The following HDAC11 variants were observed in gnomAD, a reference collection of about 807,000 sequenced individuals.
The protein encoded by HDAC11 is histone deacetylase 11.
A neutral mutation model predicts 41.1 loss-of-function variants in HDAC11; 23 were observed. The ratio of observed to expected loss-of-function variants is 0.56; its 90% confidence interval spans 0.40 to 0.79. The LOEUF (loss-of-function observed/expected upper bound fraction) is 0.79. HDAC11 is among the 30% of genes least tolerant of loss of function. HDAC11 has a pLI of 0.00. For missense variants in HDAC11, 402 were observed against 477.3 expected (o/e 0.84, Z 1.47); for synonymous variants, 187 against 186.6 (o/e 1.00, Z -0.02).
At chr3:13,495,588 AATTGGTTCTCCTT>A (rs1280676693) in intron 3 of HDAC11, among the ~76,000 whole-genome samples, 3 of 152,016 alleles carry the variant, frequency 2.0e-5, no homozygotes, top group African/African-American at 7.3e-5. Flanking sequence ...CTGTTCCCCT[AATTGGTTCTCCTT>A]GCTGCAGCTA....
chr3:13,486,945 C>T (rs1288986125), intron 3 of HDAC11, among the ~76,000 whole-genome samples: 1 of 152,094 alleles, frequency 6.6e-6, no homozygotes, highest in African/African-American at 2.4e-5. Flanking sequence ...GGGACTTGAT[C>T]TTCCAAAGGG....
At chr3:13,489,849 T>A (rs1383839703) in intron 3 of HDAC11, among the ~76,000 whole-genome samples, 1 of 152,112 alleles carries the variant, frequency 6.6e-6, no homozygotes, top group Admixed American at 6.5e-5. Flanking sequence ...ATTACAGGCA[T>A]GTGTGAGCCA....
Position 13,502,327 on chromosome 3 carries a change from G to A in HDAC11, c.552+394G>A, listed in dbSNP as rs751686662. On this transcript the variant is annotated intron_variant, in intron 7 of 9. Transcript: ENST00000295757. This position sits in a 1 kb window ranked among gnomAD's most constrained non-coding sequence, Gnocchi z 4.1. ...GATGCCCACACACATGGCTTGGCTCGGGCACCTGGGGTCACCATTTAAGAA... is the reference window on the plus strand; with the variant it reads ...GATGCCCACACACATGGCTTGGCTCAGGCACCTGGGGTCACCATTTAAGAA... The A allele has an allele frequency of 1.5e-4, 31 of 212,572 alleles. No homozygotes were observed. The highest frequency in any genetic ancestry group is 2.3e-4 in the Non-Finnish European group (25 of 106,890). 13.2% of individuals were successfully genotyped at this position (212,572 alleles called of 1,614,324 possible).
chr3:13,490,314 G>C (rs372213090), intron 3 of HDAC11, among the ~76,000 whole-genome samples: 1 of 151,972 alleles, frequency 6.6e-6, no homozygotes, highest in Non-Finnish European at 1.5e-5. Flanking sequence ...TTTTAAGATC[G>C]TTTTGGCTGT....
intron 3 of HDAC11, among the ~76,000 whole-genome samples, chr3:13,488,350 A>G (rs1454720839): frequency 6.6e-6 from 1 of 152,202 alleles, no homozygotes; most frequent in Admixed American, 6.5e-5. Context: ...AAGTGCTGCA[A>G]CCATCATCTC....
intron 4 of HDAC11, 110 bp from the exon 5 acceptor site, chr3:13,498,403 C>T: frequency 7.4e-7 from 1 of 1,349,412 alleles, no homozygotes; most frequent in Non-Finnish European, 1.1e-6. Context: ...GCTCATCCTT[C>T]CCCCAGAGCT....
At chr3:13,501,155 T>C (rs995118961) in intron 6 of HDAC11, among the ~76,000 whole-genome samples, 1 of 152,174 alleles carries the variant, frequency 6.6e-6, no homozygotes, top group African/African-American at 2.4e-5. Context: ...ACCTGGCAGT[T>C]CTGCATGCTC....
In HDAC11 at chr3:13,502,898, G is replaced by A. The variant is rs751457066; in HGVS notation, c.567G>A (p.Glu189=). ...CCTCCCCACAGGGCAATGGGCATGA[G>A]CGAGACTTCATGGACGACAAGCGTG... ...DLDAHQGNGH[E]RDFMDDKRVY... is the part of the protein sequence containing the mutation. Residue 189 remains glutamate (E), a synonymous_variant, in exon 8 of 10, where the codon GAG becomes GAA. Transcript: ENST00000295757. This position sits in a 1 kb window ranked among gnomAD's most constrained non-coding sequence, Gnocchi z 4.1. 3 of 1,613,472 alleles carry A rather than the reference G, an allele frequency of 1.9e-6. No individual in the cohort carries two copies. Among genetic ancestry groups the A allele is most frequent in the Non-Finnish European group, 1.7e-6 (2 of 1,179,844 alleles).
Position 13,483,582 on chromosome 3 carries a change from T to A in HDAC11, c.252+18T>A. 1 of 1,268,478 alleles carries A rather than the reference T, an allele frequency of 7.9e-7. No homozygotes were observed. The highest frequency in any genetic ancestry group is 1.1e-6 in the Non-Finnish European group (1 of 894,632). 78.6% of individuals were successfully genotyped at this position (1,268,478 alleles called of 1,614,324 possible). On this transcript the variant is annotated intron_variant, in intron 3 of 9. Transcript: ENST00000295757. Reference sequence around the variant, plus strand: ...AGCTCAAGGTACAGGATGTCGGGCCTGGGGGGCTGCGGGCCTGGGGCAGGG... The same window carrying A: ...AGCTCAAGGTACAGGATGTCGGGCCAGGGGGGCTGCGGGCCTGGGGCAGGG...
chr3:13,489,307 A>G (rs79253931), intron 3 of HDAC11, among the ~76,000 whole-genome samples: 2 of 152,304 alleles, frequency 1.3e-5, no homozygotes, highest in African/African-American at 4.8e-5. Flanking sequence ...ACCCAAGGTC[A>G]TGAAGGTTTA....
chr3:13,488,322 G>T (rs1272042874), intron 3 of HDAC11, among the ~76,000 whole-genome samples: 1 of 152,048 alleles, frequency 6.6e-6, no homozygotes, highest in Non-Finnish European at 1.5e-5. Flanking sequence ...CAGTTCAGTG[G>T]CCTTTAGTCC....
Position 13,504,699 on chromosome 3 carries a change from C to G in HDAC11, c.*16C>G. The G allele has an allele frequency of 6.2e-7, 1 of 1,603,324 alleles. No individual in the cohort carries two copies. Among genetic ancestry groups the G allele is most frequent in the Non-Finnish European group, 8.5e-7 (1 of 1,170,816 alleles). On this transcript the variant is annotated 3_prime_UTR_variant, in exon 10 of 10. Transcript: ENST00000295757. ...AGTGCCCTGACCCTTGCTGCCCTGC[C>G]TGTCACGTGGCCCTGCCTATCCGCC... is the stretch of plus-strand genomic sequence containing the variant.
At chr3:13,500,105 C>T (rs1047458390) in intron 5 of HDAC11, among the ~76,000 whole-genome samples, 5 of 152,242 alleles carry the variant, frequency 3.3e-5, no homozygotes, top group African/African-American at 1.2e-4. Context: ...AGGCAAGTTC[C>T]TGGTATCCAT....
chr3:13,501,153 G>A (rs1702346342), intron 6 of HDAC11, among the ~76,000 whole-genome samples: 1 of 152,222 alleles, frequency 6.6e-6, no homozygotes, highest in African/African-American at 2.4e-5. Context: ...GCACCTGGCA[G>A]TTCTGCATGC....
intron 3 of HDAC11, among the ~76,000 whole-genome samples, chr3:13,486,022 C>CT (rs1184756598): frequency 6.6e-6 from 1 of 152,022 alleles, no homozygotes; most frequent in Non-Finnish European, 1.5e-5. Context: ...AATCCCAGCA[C>CT]TTTGGGAGAA....
At chr3:13,481,874 G>A (rs1701337564) in intron 2 of HDAC11, among the ~76,000 whole-genome samples, 1 of 152,200 alleles carries the variant, frequency 6.6e-6, no homozygotes, top group Non-Finnish European at 1.5e-5. Flanking sequence ...AGGCTCAGGA[G>A]CTCACTGTAA....
intron 3 of HDAC11, among the ~76,000 whole-genome samples, chr3:13,495,841 C>T (rs1222390793): frequency 1.3e-5 from 2 of 152,204 alleles, no homozygotes; most frequent in African/African-American, 4.8e-5. Flanking sequence ...TGCCATCACC[C>T]CCAGAAAGCC....
At chr3:13,503,437 G>A (rs1702465813) in intron 8 of HDAC11, among the ~76,000 whole-genome samples, 1 of 152,204 alleles carries the variant, frequency 6.6e-6, no homozygotes, top group African/African-American at 2.4e-5. Flanking sequence ...GGTGGCGCAT[G>A]CCTGTAATCC....
rs1374762209 is a variant in HDAC11 at position 13,506,003 on chromosome 3, G to T, written c.*1320G>T. The T allele has an allele frequency of 1.3e-5, 2 of 152,208 alleles. No homozygotes were observed. Among genetic ancestry groups the T allele is most frequent in the Non-Finnish European group, 2.9e-5 (2 of 68,074 alleles). The allele number at this position is 152,208 out of a possible 1,614,324, so 9.4% of individuals were successfully genotyped here. A position where few individuals can be genotyped will look rare whatever the true frequency, so the allele number is the denominator to read the frequency against. The stretch of plus-strand genomic sequence containing the variant: ...GGACTTGTGTTCATTACAGTGAGGG[G>T]GTGCTCCCACTGTCTCCCGGCCTCC... On this transcript the variant is annotated 3_prime_UTR_variant, in exon 10 of 10. Coordinates refer to ENST00000295757, the MANE Select transcript of HDAC11 (RefSeq NM_024827.4).
Sources: allele counts gnomAD v4.1 joint callset (sites outside exome capture counted in the v4.1 genomes callset), GRCh38; gene constraint gnomAD v4.1.1; non-coding constraint Gnocchi (gnomAD v3.1); transcripts MANE v1.5; gene names NCBI Gene and HGNC (gene_info 2026-07-23, HGNC 2026-07-21).